RHBDF2: variants seen among roughly 807,000 people sequenced by gnomAD.
RHBDF2 encodes rhomboid 5 homolog 2.
RHBDF2 carries 38 observed loss-of-function variants against 95.2 expected under a neutral mutation model. The ratio of observed to expected loss-of-function variants is 0.40; its 90% CI spans 0.31 to 0.52. The LOEUF (loss-of-function observed/expected upper bound fraction) is 0.52, where lower values mean the gene tolerates loss of function less well. Among genes scored for constraint, RHBDF2 ranks in the 20% least tolerant of loss-of-function variants. The pLI, the probability that RHBDF2 is intolerant of heterozygous loss-of-function variation, is 0.56. For synonymous variants in RHBDF2, 442 were observed against 462.0 expected (o/e 0.96, Z 0.55); for missense variants, 863 against 1,137.7 (o/e 0.76, Z 3.47).
intron 1 of RHBDF2, among the ~76,000 whole-genome samples, chr17:76,498,867 T>G (rs1387039301): frequency 6.6e-6 from 1 of 150,416 alleles, no homozygotes; most frequent in African/African-American, 2.5e-5. Flanking sequence ...TCTGTGTGTC[T>G]GTTTGTGTGT....
At chr17:76,500,538 T>C (rs2074552764) in intron 1 of RHBDF2, among the ~76,000 whole-genome samples, 2 of 151,978 alleles carry the variant, frequency 1.3e-5, no homozygotes, top group Non-Finnish European at 2.9e-5. Flanking sequence ...TGGGGTCAGC[T>C]CCCCACCGCC....
intron 8 of RHBDF2, 41 bp from the exon 9 acceptor site, chr17:76,477,065 A>T: frequency 1.2e-6 from 2 of 1,611,458 alleles, no homozygotes; most frequent in Non-Finnish European, 8.5e-7. Context: ...CCCCCACCAA[A>T]ATACTCCCAG....
rs941484806 is a variant in RHBDF2 at position 76,487,748 on chromosome 17, T to C, written c.-58A>G. On this transcript the variant is annotated 5_prime_UTR_variant, in exon 2 of 19. Transcript: ENST00000675367. ...AGTTTGCCCGCGGCTTCCTGGGTCT[T>C]GCTGTGAAGGGCTTTAGAGCATGTT... 6.6e-6 allele frequency: 1 copy of C among 152,472 alleles called. No homozygotes were observed. The highest frequency in any genetic ancestry group is 2.4e-5 in the African/African-American group (1 of 41,456). The allele number at this position is 152,472 out of a possible 1,614,324, so 9.4% of individuals were successfully genotyped here.
chr17:76,473,653 C>G lies in RHBDF2; in HGVS notation c.1728G>C (p.Lys576Asn). 1 of 1,607,140 alleles carries G rather than the reference C, an allele frequency of 6.2e-7. No homozygotes were observed. The highest frequency in any genetic ancestry group is 8.5e-7 in the Non-Finnish European group (1 of 1,177,504). ...CCAGGGCCCAGGTCGCTCACCTGCC[C>G]TTGGTGCCGATGCAGCAGGGGCGGC... is the stretch of plus-strand genomic sequence containing the variant. ...IKGRPCCIGT[K>N]GSCEITTREY... Residue 576 changes from lysine to asparagine, a missense_variant, in exon 15 of 19, where the codon AAG becomes AAC. Physicochemically the swap from Lys to Asn is moderately conservative, Grantham distance 94. Transcript: ENST00000675367.
At position 76,475,079 on chromosome 17, in the gene RHBDF2, G is replaced by A. The variant is rs1386836610; in HGVS notation, c.1178C>T (p.Thr393Met). 3.8e-6 allele frequency: 6 copies of A among 1,599,672 alleles called. No individual in the cohort carries two copies. Among genetic ancestry groups the A allele is most frequent in the African/African-American group, 1.3e-5 (1 of 74,860 alleles). The part of the protein sequence containing the change: ...HVIITLLVIC[T>M]YGIAPVGFAQ... ...AAAGCCCACGGGTGCGATGCCATAC[G>A]TGCAAATCACCAGCAGCGTGATGAT... Residue 393 changes from threonine to methionine, a missense_variant, in exon 10 of 19, where the codon ACG becomes ATG. Thr to Met is a moderately conservative substitution (Grantham distance 81). Transcript: ENST00000675367.
intron 2 of RHBDF2, among the ~76,000 whole-genome samples, chr17:76,486,109 CACACACAT>C (rs925510232): frequency 1.6e-4 from 22 of 140,534 alleles, no homozygotes; most frequent in African/African-American, 4.7e-4. Flanking sequence ...CACACACACA[CACACACAT>C]ATAGTTTTTG....
At chr17:76,490,544 C>T (rs2074270115) in intron 1 of RHBDF2, among the ~76,000 whole-genome samples, 2 of 152,108 alleles carry the variant, frequency 1.3e-5, no homozygotes, top group Non-Finnish European at 2.9e-5. Flanking sequence ...AGGGCACTGC[C>T]CTGGGGAACT....
In RHBDF2 at chr17:76,491,306, C is replaced by A. The variant is rs532583707; in HGVS notation, c.-219-3397G>T. On this transcript the variant is annotated intron_variant, in intron 1 of 18. Transcript: ENST00000675367. ...CCTCCCTGTCCCAAGGCCAGGCCAT[C>A]CCAGCTGAGACCCCTGCCCAGGATC... is the stretch of plus-strand genomic sequence containing the variant. 3.3e-5 allele frequency among the ~76,000 whole-genome samples: 5 copies of A among 152,318 alleles called. No homozygotes were observed. In the East Asian group the frequency reaches 9.7e-4, roughly 29 times the overall value.
At position 76,476,990 on chromosome 17, in the gene RHBDF2, G is replaced by A. The variant is rs749017499; in HGVS notation, c.955C>T (p.Arg319Trp). 2.6e-5 allele frequency: 42 copies of A among 1,613,698 alleles called. No homozygotes were observed. The highest frequency in any genetic ancestry group is 1.0e-4 in the Admixed American group (6 of 60,010). Reference protein sequence around the residue: ...EYGRAPVPGPRRGKRIASKVK... With the variant: ...EYGRAPVPGPWRGKRIASKVK... The stretch of plus-strand genomic sequence containing the variant: ...TTGGAGGCGATGCGCTTGCCGCGCC[G>A]GGGCCCGGGGACTGGGGCTCGGCCA... The change falls in exon 9 of 19, where the codon CGG becomes TGG. Residue 319 changes from arginine (R) to tryptophan (W), a missense_variant. Transcript: ENST00000675367.
chr17:76,479,723 G>C lies in RHBDF2; in HGVS notation c.272+10C>G, dbSNP rs374497069. On this transcript the variant is annotated intron_variant, in intron 4 of 18. Coordinates refer to ENST00000675367, the MANE Select transcript of RHBDF2 (RefSeq NM_001005498.4). The stretch of plus-strand genomic sequence containing the variant: ...TGGGGGGTGCTGGGCTTGGGTGTAG[G>C]GGGGCTCACTTGCGGATGCTCTGGG... The C allele has an allele frequency of 2.1e-5, 34 of 1,601,674 alleles. No homozygotes were observed. The highest frequency in any genetic ancestry group is 2.8e-5 in the Non-Finnish European group (33 of 1,177,284).
intron 1 of RHBDF2, among the ~76,000 whole-genome samples, chr17:76,495,342 T>C (rs1329889793): frequency 6.6e-6 from 1 of 152,200 alleles, no homozygotes; most frequent in East Asian, 1.9e-4. Context: ...GTCCTGTGCT[T>C]ACAAAGTAGG....
intron 2 of RHBDF2, among the ~76,000 whole-genome samples, chr17:76,483,807 A>G (rs8067774): frequency 0.6 from 90,879 of 152,038 alleles, 27,632 homozygotes; most frequent in Middle Eastern, 0.75. Flanking sequence ...AGTACATCCC[A>G]AATTTCAGTG....
In RHBDF2 at chr17:76,471,574, A is replaced by G; in HGVS notation, c.*59T>C. ...ACACAGAGAGCGCTCTGCAGAGGGC[A>G]GCCCTCGCAGGCAGACCCTGTTCCA... On this transcript the variant is annotated 3_prime_UTR_variant, in exon 19 of 19. Transcript: ENST00000675367. 2 of 1,488,040 alleles carry G rather than the reference A, an allele frequency of 1.3e-6. No homozygotes were observed. The highest frequency in any genetic ancestry group is 1.8e-6 in the Non-Finnish European group (2 of 1,110,926). 92.2% of individuals were successfully genotyped at this position (1,488,040 alleles called of 1,614,324 possible). A position where few individuals can be genotyped will look rare whatever the true frequency, so the allele number is the denominator to read the frequency against.
In RHBDF2 at chr17:76,471,267, G is replaced by C. The variant is rs886053465; in HGVS notation, c.*366C>G. The C allele has an allele frequency of 1.3e-5, 3 of 237,370 alleles. No homozygotes were observed. Among genetic ancestry groups the C allele is most frequent in the Non-Finnish European group, 2.5e-5 (3 of 121,256 alleles). The allele number at this position is 237,370 out of a possible 1,614,324, so 14.7% of individuals were successfully genotyped here. ...AGCAAGGGCACGCTCCAGTAGTAGT[G>C]GGGGAGAAGGCACCAGCAGAGGCAG... On this transcript the variant is annotated 3_prime_UTR_variant, in exon 19 of 19. Transcript: ENST00000675367.
chr17:76,499,597 C>A (rs2074525866), intron 1 of RHBDF2, among the ~76,000 whole-genome samples: 1 of 152,146 alleles, frequency 6.6e-6, no homozygotes, highest in African/African-American at 2.4e-5. Context: ...TATTGCAGGA[C>A]AAAAGCAGCC....
rs1297877940 is a variant in RHBDF2, at chr17:76,481,406, G to T, written c.119C>A (p.Ala40Asp). 5 of 1,612,700 alleles carry T rather than the reference G, an allele frequency of 3.1e-6. No individual in the cohort carries two copies. Among genetic ancestry groups the T allele is most frequent in the East Asian group, 2.2e-5 (1 of 44,876 alleles). ...CAGCATGCTGTCCTGCTCGCCAGGG[G>T]CCTGGGTCTCTTTCTCGGGTGGCGG... ...TIPPPEKETQ[A>D]PGEQDSMLPE... Residue 40 changes from alanine (A) to aspartate (D), a missense_variant, in exon 3 of 19, where the codon GCC becomes GAC. Coordinates refer to ENST00000675367, the MANE Select transcript of RHBDF2 (RefSeq NM_001005498.4).
At chr17:76,496,551 G>C (rs1312949929) in intron 1 of RHBDF2, among the ~76,000 whole-genome samples, 2 of 152,198 alleles carry the variant, frequency 1.3e-5, no homozygotes, top group Non-Finnish European at 1.5e-5. Flanking sequence ...CATGAAGAAG[G>C]GACAGCACCT....
rs1026981758 is a variant in RHBDF2, at chr17:76,471,485, C to T, written c.*148G>A. On this transcript the variant is annotated 3_prime_UTR_variant, in exon 19 of 19. Coordinates refer to ENST00000675367, the MANE Select transcript of RHBDF2 (RefSeq NM_001005498.4). ...CAACCATCTCACGCGGAGTCAGCCT[C>T]GCCTGGCAGGGGGGCACCCAGGTCC... 5 of 879,652 alleles carry T rather than the reference C, an allele frequency of 5.7e-6. No homozygotes were observed. The highest frequency in any genetic ancestry group is 1.8e-5 in the South Asian group (1 of 54,422). The allele number at this position is 879,652 out of a possible 1,614,324, so 54.5% of individuals were successfully genotyped here.
intron 1 of RHBDF2, among the ~76,000 whole-genome samples, chr17:76,497,484 T>C (rs1476169208): frequency 2.0e-5 from 3 of 152,198 alleles, no homozygotes; most frequent in Non-Finnish European, 2.9e-5. Context: ...ACAGTGCCAC[T>C]GCTCCATATG....
Sources: allele counts gnomAD v4.1 joint callset (sites outside exome capture counted in the v4.1 genomes callset), GRCh38; gene constraint gnomAD v4.1.1; transcripts MANE v1.5; gene names NCBI Gene and HGNC (gene_info 2026-07-23, HGNC 2026-07-21).